The following BMAL2 variants were observed in gnomAD, a reference collection of about 807,000 sequenced individuals.
BMAL2 encodes basic helix-loop-helix ARNT-like protein 2.
chr12:27,351,911 A>T, the BMAL2 span, among the ~76,000 whole-genome samples: 1 of 152,128 alleles, frequency 6.6e-6, no homozygotes, highest in Non-Finnish European at 1.5e-5. Flanking sequence ...TGTAAAACTA[A>T]AGCAAACAAT....
At chr12:27,335,125 T>G in the BMAL2 span, among the ~76,000 whole-genome samples, 1 of 152,240 alleles carries the variant, frequency 6.6e-6, no homozygotes, top group Non-Finnish European at 1.5e-5. Context: ...TTCTCCCTAT[T>G]CCCAGAGGGA....
At chr12:27,372,886 G>A in the BMAL2 span, among the ~76,000 whole-genome samples, 1 of 152,088 alleles carries the variant, frequency 6.6e-6, no homozygotes, top group African/African-American at 2.4e-5. Flanking sequence ...TATTAGCCAG[G>A]ATGGTCTCGA....
At chr12:27,373,826 C>G in the BMAL2 span, among the ~76,000 whole-genome samples, 1 of 152,124 alleles carries the variant, frequency 6.6e-6, no homozygotes, top group South Asian at 2.1e-4. Context: ...TTTTGAAATT[C>G]TATTACTGTA....
chr12:27,419,580 A>G, the BMAL2 span, among the ~76,000 whole-genome samples: 3 of 152,200 alleles, frequency 2.0e-5, no homozygotes, highest in African/African-American at 7.2e-5. Flanking sequence ...TTAAGTTTCC[A>G]ACACATGAAT....
At chr12:27,369,653 A>C in the BMAL2 span, among the ~76,000 whole-genome samples, 7 of 152,170 alleles carry the variant, frequency 4.6e-5, no homozygotes, top group Non-Finnish European at 7.3e-5. Flanking sequence ...ATTCTTCAGA[A>C]TCATAGGCAC....
chr12:27,395,974 A>G, the BMAL2 span, among the ~76,000 whole-genome samples: 1 of 152,210 alleles, frequency 6.6e-6, no homozygotes, highest in Admixed American at 6.5e-5. Context: ...CTCTTAATAT[A>G]TGGAAAATGG....
At chr12:27,424,286 T>C in the BMAL2 span, 3 of 152,214 alleles carry the variant, frequency 2.0e-5, no homozygotes, top group Admixed American at 2.0e-4. Context: ...TATTGATCCT[T>C]GAATCTGTAA....
At chr12:27,343,434 T>C in the BMAL2 span, among the ~76,000 whole-genome samples, 4 of 152,376 alleles carry the variant, frequency 2.6e-5, no homozygotes, top group East Asian at 5.8e-4. Flanking sequence ...GTATCTTTTA[T>C]AGGCTTTGTG....
the BMAL2 span, among the ~76,000 whole-genome samples, chr12:27,411,310 T>TA: frequency 6.6e-6 from 1 of 151,126 alleles, no homozygotes; most frequent in Non-Finnish European, 1.5e-5. Context: ...TTAGTACATT[T>TA]AAAAAAAATA....
the BMAL2 span, among the ~76,000 whole-genome samples, chr12:27,370,628 CAG>C: frequency 6.6e-6 from 1 of 151,700 alleles, no homozygotes; most frequent in African/African-American, 2.4e-5. Flanking sequence ...TTTTTTGAGA[CAG>C]AGTCTCACTC....
At chr12:27,397,566 G>C in the BMAL2 span, among the ~76,000 whole-genome samples, 2 of 152,128 alleles carry the variant, frequency 1.3e-5, no homozygotes, top group Admixed American at 6.5e-5. Flanking sequence ...CTCAAGATGA[G>C]TTACCCAAGT....
At chr12:27,409,258 T>C in the BMAL2 span, among the ~76,000 whole-genome samples, 1 of 152,190 alleles carries the variant, frequency 6.6e-6, no homozygotes. Flanking sequence ...AAAGTTCGTA[T>C]GGAACCAAAA....
chr12:27,416,877 C>T, the BMAL2 span, among the ~76,000 whole-genome samples: 1 of 152,202 alleles, frequency 6.6e-6, no homozygotes, highest in South Asian at 2.1e-4. Flanking sequence ...TCAGGAGGAT[C>T]ACTTGAGCCC....
chr12:27,353,827 C>T, the BMAL2 span, among the ~76,000 whole-genome samples: 3 of 152,060 alleles, frequency 2.0e-5, no homozygotes, highest in Non-Finnish European at 2.9e-5. Context: ...ATGCTCAAAG[C>T]AGTTATCATT....
chr12:27,349,956 A>G, the BMAL2 span, among the ~76,000 whole-genome samples: 5 of 152,196 alleles, frequency 3.3e-5, no homozygotes, highest in African/African-American at 9.6e-5. Context: ...GGTGTGGGAC[A>G]GTGTTTTCAT....
chr12:27,358,941 G>A, the BMAL2 span, among the ~76,000 whole-genome samples: 2 of 151,754 alleles, frequency 1.3e-5, no homozygotes, highest in African/African-American at 4.9e-5. Context: ...CTTGAATAGT[G>A]CCAATTAATA....
chr12:27,408,908 A>C, the BMAL2 span, among the ~76,000 whole-genome samples: 1 of 152,240 alleles, frequency 6.6e-6, no homozygotes, highest in African/African-American at 2.4e-5. Context: ...TCAGGATACA[A>C]AATCAATGTG....
the BMAL2 span, among the ~76,000 whole-genome samples, chr12:27,391,769 C>G: frequency 6.6e-6 from 1 of 152,146 alleles, no homozygotes; most frequent in South Asian, 2.1e-4. Context: ...TCATAAACCC[C>G]CTACTCTGTG....
At chr12:27,378,877 T>C in the BMAL2 span, among the ~76,000 whole-genome samples, 1 of 152,084 alleles carries the variant, frequency 6.6e-6, no homozygotes, top group African/African-American at 2.4e-5. Context: ...GATCTAGAAT[T>C]GACAGGAGTT....
Sources: gnomAD v4.1 joint callset for allele counts (sites outside exome capture counted in the v4.1 genomes callset) on GRCh38, gnomAD v4.1.1 for gene constraint, MANE v1.5 for transcripts, NCBI Gene and HGNC (gene_info 2026-07-23, HGNC 2026-07-21) for gene names.